The following THSD7B variants were observed in gnomAD, a reference collection of about 807,000 sequenced individuals.
THSD7B encodes the protein thrombospondin type-1 domain-containing protein 7B.
In THSD7B, 138 loss-of-function variants were observed where a neutral mutation model predicts 213.6. That is an observed-to-expected ratio of 0.65 (90% CI 0.56 to 0.74). THSD7B has a LOEUF of 0.74. Among genes scored for constraint, THSD7B ranks in the 30% least tolerant of loss-of-function variants. THSD7B has a pLI of 0.00. For synonymous variants in THSD7B, 742 were observed against 687.0 expected (o/e 1.08, Z -1.25); for missense variants, 1,931 against 1,991.5 (o/e 0.97, Z 0.58).
At chr2:136,833,385 A>AAAAAAAG (rs1383636225) in intron 1 of THSD7B, among the ~76,000 whole-genome samples, 16 of 136,366 alleles carry the variant, frequency 1.2e-4, no homozygotes, top group African/African-American at 3.6e-4. Context: ...AAAAAAAAAA[A>AAAAAAAG]AGAGAGAGAG....
At chr2:137,655,927 G>A (rs1181290090) in intron 22 of THSD7B, among the ~76,000 whole-genome samples, 1 of 152,154 alleles carries the variant, frequency 6.6e-6, no homozygotes. Context: ...CTTGGGGTAT[G>A]TAGTCTAGCC....
At chr2:137,377,171 G>A (rs999027304) in intron 12 of THSD7B, among the ~76,000 whole-genome samples, 2 of 151,830 alleles carry the variant, frequency 1.3e-5, no homozygotes. Context: ...AGCCCTCTTA[G>A]GGAAAAAATT....
chr2:137,152,715 C>T (rs547786577), intron 5 of THSD7B, among the ~76,000 whole-genome samples: 2 of 152,266 alleles, frequency 1.3e-5, no homozygotes, highest in East Asian at 3.9e-4. Context: ...TAACTGTTGT[C>T]ATAGTTTCTA....
chr2:137,547,442 A>T (rs1680763414), intron 15 of THSD7B, among the ~76,000 whole-genome samples: 1 of 151,914 alleles, frequency 6.6e-6, no homozygotes, highest in South Asian at 2.1e-4. Flanking sequence ...GGAAAAATTC[A>T]CTGTGTGTGT....
intron 8 of THSD7B, 104 bp from the exon 9 acceptor site, chr2:137,232,795 G>T: frequency 9.4e-7 from 1 of 1,059,384 alleles, no homozygotes; most frequent in Non-Finnish European, 1.4e-6. Context: ...GTCTTTGGAA[G>T]GCTGTGTCAG....
At chr2:137,344,188 G>A (rs925542399) in intron 12 of THSD7B, among the ~76,000 whole-genome samples, 5 of 151,538 alleles carry the variant, frequency 3.3e-5, no homozygotes, top group East Asian at 1.9e-4. Flanking sequence ...GTTTCATCCC[G>A]AAGCCACTCC....
intron 3 of THSD7B, among the ~76,000 whole-genome samples, chr2:137,074,467 G>T (rs1401593243): frequency 6.6e-6 from 1 of 152,038 alleles, no homozygotes; most frequent in African/African-American, 2.4e-5. Flanking sequence ...TTTATTTTGA[G>T]CCCATGTGTG....
intron 12 of THSD7B, among the ~76,000 whole-genome samples, chr2:137,284,143 A>G (rs1338660576): frequency 2.6e-5 from 4 of 152,006 alleles, no homozygotes; most frequent in East Asian, 3.8e-4. Flanking sequence ...TGTATGTGTC[A>G]AGGAATTTAT....
chr2:136,830,188 T>A (rs942835065), intron 1 of THSD7B, among the ~76,000 whole-genome samples: 15 of 152,146 alleles, frequency 9.9e-5, no homozygotes, highest in African/African-American at 3.4e-4. Context: ...AGTGAAATAC[T>A]GTGACATATG....
intron 2 of THSD7B, among the ~76,000 whole-genome samples, chr2:137,055,110 C>G (rs1687138307): frequency 6.6e-6 from 1 of 152,186 alleles, no homozygotes; most frequent in African/African-American, 2.4e-5. Flanking sequence ...AGGACATGAA[C>G]TCATTCTTTT....
chr2:137,250,088 T>C (rs1214523838), intron 10 of THSD7B, among the ~76,000 whole-genome samples: 1 of 152,220 alleles, frequency 6.6e-6, no homozygotes, highest in African/African-American at 2.4e-5. Context: ...CTGGTGCTCC[T>C]GTTCAGCTAC....
intron 17 of THSD7B, among the ~76,000 whole-genome samples, chr2:137,580,957 C>T (rs1394996372): frequency 2.6e-5 from 4 of 152,178 alleles, no homozygotes; most frequent in Admixed American, 2.0e-4. Flanking sequence ...CACTAGGCCC[C>T]ACCTTCAACA....
intron 1 of THSD7B, among the ~76,000 whole-genome samples, chr2:136,788,742 C>A (rs1681912507): frequency 6.6e-6 from 1 of 152,114 alleles, no homozygotes; most frequent in Non-Finnish European, 1.5e-5. Context: ...ACCTGTGCGA[C>A]ATGCCTTAAG....
intron 4 of THSD7B, among the ~76,000 whole-genome samples, chr2:137,103,656 A>G (rs1410204355): frequency 6.6e-6 from 1 of 152,112 alleles, no homozygotes; most frequent in Non-Finnish European, 1.5e-5. Flanking sequence ...ATACAGACAC[A>G]CATAGGCTGA....
chr2:137,490,424 TA>T (rs1405899622), intron 15 of THSD7B, among the ~76,000 whole-genome samples: 1 of 152,226 alleles, frequency 6.6e-6, no homozygotes, highest in African/African-American at 2.4e-5. Context: ...GCTGGAGCTT[TA>T]AAAGTTACTT....
At chr2:137,292,679 A>G (rs1326474511) in intron 12 of THSD7B, among the ~76,000 whole-genome samples, 3 of 152,078 alleles carry the variant, frequency 2.0e-5, no homozygotes, top group African/African-American at 7.2e-5. Context: ...GTTGTTACCT[A>G]CCATATTAGA....
At position 137,532,604 on chromosome 2, in the gene THSD7B, T is replaced by A. The variant is rs139424332; in HGVS notation, c.3139-30617T>A. 2.4e-3 allele frequency among the ~76,000 whole-genome samples: 369 copies of A among 151,974 alleles called. 8 individuals are homozygous for A. The highest frequency in any genetic ancestry group is 0.022 in the Admixed American group (331 of 15,222). ...GCTATAAATGATTAAACTACTTGGT[T>A]ATGGAATAGAGATAAAACATGTTAT... On this transcript the variant is annotated intron_variant, in intron 15 of 27. Transcript: ENST00000409968.
chr2:137,470,955 C>G (rs1271501149), intron 15 of THSD7B, among the ~76,000 whole-genome samples: 1 of 139,294 alleles, frequency 7.2e-6, no homozygotes, highest in African/African-American at 2.7e-5. Flanking sequence ...AGTCTCACTT[C>G]ATCACTCAGG....
At chr2:137,405,505 G>T in intron 12 of THSD7B, 108 bp from the exon 13 acceptor site, 1 of 1,074,320 alleles carries the variant, frequency 9.3e-7, no homozygotes. Flanking sequence ...TGCACCATTT[G>T]TGAAGCCCAA....
Sources: gnomAD v4.1 joint callset for allele counts (sites outside exome capture counted in the v4.1 genomes callset) on GRCh38, gnomAD v4.1.1 for gene constraint, MANE v1.5 for transcripts, NCBI Gene and HGNC (gene_info 2026-07-23, HGNC 2026-07-21) for gene names.